Variants in STPG2 observed in about 807,000 individuals in gnomAD.
STPG2 encodes sperm tail PG-rich repeat containing 2, also known as sperm-tail PG-rich repeat-containing protein 2.
Under a neutral mutation model 54.2 loss-of-function variants are expected in STPG2, and 56 were observed. The observed-to-expected ratio is 1.03, with a 90% confidence interval of 0.83 to 1.29. The LOEUF (loss-of-function observed/expected upper bound fraction) is 1.29. Among genes scored for constraint, STPG2 ranks in the 50% most tolerant of loss-of-function variants. The probability of loss-of-function intolerance (pLI) is 0.00; values close to 1 mark genes in which losing one functional copy is unlikely to be tolerated. For synonymous variants in STPG2, 200 were observed against 181.8 expected, an observed-to-expected ratio of 1.10 and a Z score of -0.81; for missense variants, 596 against 544.9, an observed-to-expected ratio of 1.09 and a Z score of -0.93.
In STPG2 at chr4:97,703,898, G is replaced by A. The variant is rs949285534; in HGVS notation, c.1320+8801C>T. Among the ~76,000 whole-genome samples, 15 of 151,356 alleles carry A rather than the reference G, an allele frequency of 9.9e-5. No individual in the cohort carries two copies. The Admixed American group carries it at 9.9e-4, about 10-fold the overall frequency. On this transcript the variant is annotated intron_variant, in intron 10 of 10. Coordinates refer to ENST00000295268, the MANE Select transcript of STPG2 (RefSeq NM_174952.3). ...CCACAATAGGCTGTCTGCAAACTGA[G>A]GAGCAAGGAGAGCCAGTCTGAGTCC...
intron 4 of STPG2, among the ~76,000 whole-genome samples, chr4:97,443,956 A>C (rs1050789267): frequency 1.3e-5 from 2 of 152,186 alleles, no homozygotes; most frequent in Admixed American, 1.3e-4. Flanking sequence ...CAAGATCAAG[A>C]ATCTCACTAT....
At chr4:97,536,050 C>T (rs554833541) in intron 4 of STPG2, among the ~76,000 whole-genome samples, 1 of 152,212 alleles carries the variant, frequency 6.6e-6, no homozygotes, top group African/African-American at 2.4e-5. Context: ...ATCATACCAC[C>T]CTGCAGCTTT....
At chr4:97,782,003 T>C (rs1325947183) in intron 9 of STPG2, among the ~76,000 whole-genome samples, 4 of 152,192 alleles carry the variant, frequency 2.6e-5, no homozygotes, top group Non-Finnish European at 5.9e-5. Context: ...ACTGGAAGCA[T>C]TCCCTTTGAA....
intron 2 of STPG2, among the ~76,000 whole-genome samples, chr4:98,133,022 T>C (rs911281566): frequency 6.6e-6 from 1 of 151,612 alleles, no homozygotes; most frequent in African/African-American, 2.4e-5. Flanking sequence ...GGTTGTTTAG[T>C]GTTAATTATT....
intron 8 of STPG2, among the ~76,000 whole-genome samples, chr4:97,936,071 G>A (rs760454370): frequency 6.6e-6 from 1 of 152,124 alleles, no homozygotes; most frequent in African/African-American, 2.4e-5. Flanking sequence ...CCTGTATTGG[G>A]TGCATATATA....
At chr4:97,695,662 C>T (rs1184452819) in intron 10 of STPG2, among the ~76,000 whole-genome samples, 2 of 151,372 alleles carry the variant, frequency 1.3e-5, no homozygotes, top group African/African-American at 2.4e-5. Context: ...CAGGATACTA[C>T]ATCAATGTAC....
chr4:98,069,412 T>TC (rs1288253805), intron 5 of STPG2, among the ~76,000 whole-genome samples: 1 of 152,082 alleles, frequency 6.6e-6, no homozygotes, highest in Admixed American at 6.6e-5. Flanking sequence ...TTTTGCCTTT[T>TC]CCCCATCTGT....
chr4:97,794,374 A>C (rs1727100514), intron 9 of STPG2, among the ~76,000 whole-genome samples: 1 of 152,112 alleles, frequency 6.6e-6, no homozygotes, highest in African/African-American at 2.4e-5. Context: ...GAGAACTGTA[A>C]TGTATTCAGG....
At chr4:97,971,493 T>C (rs1215888905) in intron 7 of STPG2, among the ~76,000 whole-genome samples, 8 of 152,112 alleles carry the variant, frequency 5.3e-5, no homozygotes, top group Non-Finnish European at 1.2e-4. Context: ...TGAGTTCATG[T>C]CCTTTATATG....
chr4:97,492,239 A>T (rs1730518294), intron 4 of STPG2, among the ~76,000 whole-genome samples: 1 of 151,490 alleles, frequency 6.6e-6, no homozygotes, highest in Admixed American at 6.6e-5. Flanking sequence ...AGAACACCGG[A>T]AATTGTAAAT....
At chr4:97,950,275 C>G (rs1319187222) in intron 7 of STPG2, among the ~76,000 whole-genome samples, 1 of 151,906 alleles carries the variant, frequency 6.6e-6, no homozygotes, top group East Asian at 1.9e-4. Flanking sequence ...CTATTATTTC[C>G]TGGAAACTTT....
At chr4:98,120,382 A>T (rs1214997) in intron 3 of STPG2, among the ~76,000 whole-genome samples, 82,676 of 151,822 alleles carry the variant, frequency 0.54, 22,836 homozygotes, top group African/African-American at 0.63. Flanking sequence ...CCCAGCCACA[A>T]GTATCTTTAT....
At chr4:97,864,403 A>C (rs1247960265) in intron 8 of STPG2, among the ~76,000 whole-genome samples, 1 of 152,210 alleles carries the variant, frequency 6.6e-6, no homozygotes, top group Non-Finnish European at 1.5e-5. Flanking sequence ...GGATCTCTTC[A>C]AGGAGAACTA....
chr4:97,923,360 T>A (rs1484510022), intron 8 of STPG2, among the ~76,000 whole-genome samples: 1 of 106,292 alleles, frequency 9.4e-6, no homozygotes, highest in African/African-American at 3.7e-5. Context: ...CGCCCCCTGC[T>A]CCAGGGCGCC....
At chr4:97,485,301 C>T (rs1177248613) in intron 4 of STPG2, among the ~76,000 whole-genome samples, 1 of 151,554 alleles carries the variant, frequency 6.6e-6, no homozygotes, top group Non-Finnish European at 1.5e-5. Flanking sequence ...TTGTTTACCT[C>T]AAAAACTCTA....
chr4:98,011,151 C>T (rs1735736034), intron 5 of STPG2, among the ~76,000 whole-genome samples: 2 of 152,054 alleles, frequency 1.3e-5, no homozygotes, highest in African/African-American at 4.8e-5. Flanking sequence ...TGTTTTTCCC[C>T]TCCCTATGTC....
At chr4:97,828,035 C>T (rs1457411043) in intron 9 of STPG2, among the ~76,000 whole-genome samples, 1 of 152,084 alleles carries the variant, frequency 6.6e-6, no homozygotes, top group Admixed American at 6.5e-5. Context: ...TTTTATGGAA[C>T]AAAGTTCCAT....
intron 10 of STPG2, among the ~76,000 whole-genome samples, chr4:97,652,667 G>C (rs1348582446): frequency 1.3e-5 from 2 of 151,830 alleles, no homozygotes; most frequent in African/African-American, 4.8e-5. Flanking sequence ...GTAGGTCATG[G>C]GAGAAGTAAT....
chr4:97,742,231 G>A (rs1347844795), intron 9 of STPG2, among the ~76,000 whole-genome samples: 1 of 151,922 alleles, frequency 6.6e-6, no homozygotes, highest in Non-Finnish European at 1.5e-5. Flanking sequence ...GGGGGAGGAA[G>A]GAGGGATAGC....
Sources: gnomAD v4.1 joint callset for allele counts (sites outside exome capture counted in the v4.1 genomes callset) on GRCh38, gnomAD v4.1.1 for gene constraint, MANE v1.5 for transcripts, NCBI Gene and HGNC (gene_info 2026-07-23, HGNC 2026-07-21) for gene names.